Variants in STIM2 observed in about 807,000 individuals in gnomAD.
STIM2 encodes stromal interaction molecule 2.
In STIM2, 31 loss-of-function variants were observed where a neutral mutation model predicts 85.8. That is an observed-to-expected ratio of 0.36 (90% confidence interval 0.27 to 0.49). The LOEUF (loss-of-function observed/expected upper bound fraction) is 0.49, where lower values mean the gene tolerates loss of function less well. STIM2 is among the 20% of genes least tolerant of loss of function. The pLI, the probability that STIM2 is intolerant of heterozygous loss-of-function variation, is 0.98. For synonymous variants in STIM2, 356 were observed against 331.1 expected, an observed-to-expected ratio of 1.08 and a Z score of -0.82; for missense variants, 841 against 927.6, an observed-to-expected ratio of 0.91 and a Z score of 1.21.
chr4:26,880,522 G>C (rs1163253608), intron 1 of STIM2, among the ~76,000 whole-genome samples: 1 of 150,936 alleles, frequency 6.6e-6, no homozygotes, highest in African/African-American at 2.4e-5. Flanking sequence ...TATCTAGATA[G>C]TACACAGTGT....
chr4:26,895,122 G>C (rs1723651684), intron 1 of STIM2, among the ~76,000 whole-genome samples: 1 of 152,242 alleles, frequency 6.6e-6, no homozygotes, highest in African/African-American at 2.4e-5. Context: ...TGAGTTAGGA[G>C]AATTGCTTGA....
At chr4:26,878,960 C>T (rs1232127414) in intron 1 of STIM2, among the ~76,000 whole-genome samples, 3 of 152,184 alleles carry the variant, frequency 2.0e-5, no homozygotes, top group Non-Finnish European at 4.4e-5. Context: ...CCTCCCCCCA[C>T]ACATGAGGAT....
chr4:27,015,269 T>G (rs1728693595), intron 10 of STIM2, among the ~76,000 whole-genome samples: 1 of 152,020 alleles, frequency 6.6e-6, no homozygotes, highest in South Asian at 2.1e-4. Context: ...GAGGCTTTAA[T>G]TTTAGCCACT....
At chr4:26,874,219 C>A in intron 1 of STIM2, 1 of 461,160 alleles carries the variant, frequency 2.2e-6, no homozygotes. Flanking sequence ...CACAGGGAAC[C>A]CAGGGCTGCG....
intron 3 of STIM2, among the ~76,000 whole-genome samples, chr4:26,990,033 A>G (rs1727708371): frequency 1.3e-5 from 2 of 152,152 alleles, no homozygotes; most frequent in Admixed American, 1.3e-4. Context: ...TACTACCTAA[A>G]GTGATCTACA....
At chr4:26,877,836 A>G (rs138796687) in intron 1 of STIM2, among the ~76,000 whole-genome samples, 1 of 152,182 alleles carries the variant, frequency 6.6e-6, no homozygotes, top group Non-Finnish European at 1.5e-5. Flanking sequence ...GTACTGAGAA[A>G]TGGGACCATT....
At chr4:27,019,195 G>A (rs1173931890) in intron 11 of STIM2, among the ~76,000 whole-genome samples, 1 of 152,086 alleles carries the variant, frequency 6.6e-6, no homozygotes, top group Non-Finnish European at 1.5e-5. Context: ...TTTATCATGT[G>A]ACTCTTTAGG....
intron 3 of STIM2, among the ~76,000 whole-genome samples, chr4:26,981,209 A>G (rs923273411): frequency 2.1e-4 from 32 of 152,312 alleles, no homozygotes; most frequent in Admixed American, 1.4e-3. Context: ...CCTATTTGTG[A>G]AATCTCGCTA....
chr4:26,978,344 C>G (rs984222113), intron 3 of STIM2, among the ~76,000 whole-genome samples: 7 of 146,638 alleles, frequency 4.8e-5, no homozygotes, highest in African/African-American at 1.7e-4. Context: ...ATGGAATGAC[C>G]CAGTTAAGAA....
intron 2 of STIM2, among the ~76,000 whole-genome samples, chr4:26,940,927 C>G (rs1194608624): frequency 1.3e-5 from 2 of 152,124 alleles, no homozygotes; most frequent in Admixed American, 6.6e-5. Flanking sequence ...ATTTGCATTT[C>G]TAATAGATTC....
intron 3 of STIM2, among the ~76,000 whole-genome samples, chr4:26,968,424 A>G (rs771519506): frequency 6.6e-6 from 1 of 152,192 alleles, no homozygotes; most frequent in Non-Finnish European, 1.5e-5. Context: ...CCAGTCACGT[A>G]AAAAATATTG....
intron 3 of STIM2, among the ~76,000 whole-genome samples, chr4:26,988,206 C>T (rs1727647788): frequency 6.6e-6 from 1 of 152,186 alleles, no homozygotes; most frequent in African/African-American, 2.4e-5. Flanking sequence ...CCTCTAAGAA[C>T]TCATCATCCA....
At chr4:26,868,850 C>G (rs1722500173) in intron 1 of STIM2, among the ~76,000 whole-genome samples, 2 of 152,160 alleles carry the variant, frequency 1.3e-5, no homozygotes, top group Non-Finnish European at 2.9e-5. Context: ...GCTCTTATTT[C>G]TGCTTTGCCA....
chr4:26,935,346 T>G (rs1725356691), intron 2 of STIM2, among the ~76,000 whole-genome samples: 1 of 152,182 alleles, frequency 6.6e-6, no homozygotes, highest in Non-Finnish European at 1.5e-5. Flanking sequence ...TAACTATAGT[T>G]TAAATTATTC....
chr4:26,861,322 C>T lies in STIM2; in HGVS notation c.104C>T (p.Ala35Val), dbSNP rs555325789. The T allele has an allele frequency of 4.3e-6, 6 of 1,396,450 alleles. 1 individual carries two copies. In the South Asian group the frequency reaches 6.1e-5, roughly 14 times the overall value. The allele number at this position is 1,396,450 out of a possible 1,614,324, so 86.5% of individuals were successfully genotyped here. Residue 35 changes from alanine to valine, a missense_variant, in exon 1 of 12, where the codon GCC becomes GTC. Ala to Val is a moderately conservative substitution (Grantham distance 64). Coordinates refer to ENST00000467087, the MANE Select transcript of STIM2 (RefSeq NM_020860.4). Reference sequence around the variant, plus strand: ...GCGACTGGCTCTGCCGCAACTGCCGCCTCCTCTCCCGCCGCGGCGGCCGGC... The same window carrying T: ...GCGACTGGCTCTGCCGCAACTGCCGTCTCCTCTCCCGCCGCGGCGGCCGGC...
At chr4:26,912,231 G>A (rs537045531) in intron 1 of STIM2, among the ~76,000 whole-genome samples, 5 of 152,128 alleles carry the variant, frequency 3.3e-5, no homozygotes, top group African/African-American at 7.2e-5. Context: ...AGTTGCCAGC[G>A]TGGTAAGCCA....
chr4:26,899,925 A>G lies in STIM2; in HGVS notation c.152-19579A>G, dbSNP rs151323556. ...CTAGGTTCTACTTCTGGCTCTGCCA[A>G]TTACTGTCTTGAGTGTGTCTCTTAT... On this transcript the variant is annotated intron_variant, in intron 1 of 11. Transcript: ENST00000467087. Among the ~76,000 whole-genome samples, 149 of 152,296 alleles carry G rather than the reference A, an allele frequency of 9.8e-4. 2 individuals are homozygous for G. The highest frequency in any genetic ancestry group is 3.3e-3 in the African/African-American group (139 of 41,572).
At chr4:26,953,395 T>A (rs1726127948) in intron 2 of STIM2, among the ~76,000 whole-genome samples, 1 of 152,138 alleles carries the variant, frequency 6.6e-6, no homozygotes, top group Non-Finnish European at 1.5e-5. Flanking sequence ...CTTTGTAACC[T>A]TATGTAGTAG....
chr4:27,022,268 G>C (rs578035979), intron 11 of STIM2, among the ~76,000 whole-genome samples: 1 of 152,156 alleles, frequency 6.6e-6, no homozygotes, highest in Non-Finnish European at 1.5e-5. Context: ...AAAAGGAGGT[G>C]TACCTTATAT....
Sources: allele counts gnomAD v4.1 joint callset (sites outside exome capture counted in the v4.1 genomes callset), GRCh38; gene constraint gnomAD v4.1.1; transcripts MANE v1.5; gene names NCBI Gene and HGNC (gene_info 2026-07-23, HGNC 2026-07-21).